The following CLASP2 variants were observed in gnomAD, a reference collection of about 807,000 sequenced individuals.
The protein encoded by CLASP2 is CLIP-associating protein 2.
Under a neutral mutation model 194.4 loss-of-function variants are expected in CLASP2, and 47 were observed. The observed-to-expected ratio is 0.24, with a 90% CI of 0.19 to 0.31. The LOEUF (loss-of-function observed/expected upper bound fraction) is 0.31. Ranked by LOEUF, CLASP2 falls within the 10% of genes least tolerant of loss-of-function variation. CLASP2 has a pLI of 1.00. For missense variants in CLASP2, 1,445 were observed against 1,823.6 expected, an observed-to-expected ratio of 0.79 and a Z score of 3.78; for synonymous variants, 619 against 633.5, an observed-to-expected ratio of 0.98 and a Z score of 0.34.
chr3:33,715,847 T>TAAAAA (rs59528446), intron 1 of CLASP2, among the ~76,000 whole-genome samples: 6 of 62,168 alleles, frequency 9.7e-5, no homozygotes, highest in African/African-American at 1.3e-4. Context: ...GTATCTTAAG[T>TAAAAA]AAAAAAAAAA....
intron 4 of CLASP2, among the ~76,000 whole-genome samples, chr3:33,687,681 T>C (rs542612210): frequency 2.0e-5 from 3 of 152,292 alleles, no homozygotes; most frequent in South Asian, 2.1e-4. Flanking sequence ...AGTAGCACTA[T>C]AGGAAAAGCT....
intron 1 of CLASP2, among the ~76,000 whole-genome samples, 174 bp from the exon 2 acceptor site, chr3:33,697,107 TCAA>T (rs1224552715): frequency 6.6e-6 from 1 of 152,132 alleles, no homozygotes; most frequent in Non-Finnish European, 1.5e-5. Context: ...CTCAAATGAT[TCAA>T]CAATAAAAAC....
At chr3:33,603,740 A>C (rs1250489393) in intron 17 of CLASP2, among the ~76,000 whole-genome samples, 4 of 152,124 alleles carry the variant, frequency 2.6e-5, no homozygotes, top group Non-Finnish European at 1.5e-5. Context: ...CTCCTCCCTC[A>C]GCCTCCTGAG....
chr3:33,618,207 C>T (rs914040307), intron 12 of CLASP2, among the ~76,000 whole-genome samples: 3 of 151,918 alleles, frequency 2.0e-5, no homozygotes, highest in African/African-American at 7.2e-5. Flanking sequence ...CTTGGCCTCC[C>T]AAAGTGCTGG....
At position 33,592,428 on chromosome 3, in the gene CLASP2, T is replaced by C; in HGVS notation, c.2035A>G (p.Arg679Gly). Residue 679 changes from arginine (R) to glycine (G), a missense_variant, in exon 21 of 39, where the codon AGA becomes GGA. Around this residue, in one of 4 missense-constraint regions of CLASP2, gnomAD observed 174 missense variants for 179.0 expected, o/e 0.97. Transcript: ENST00000682230. Reference protein sequence around the residue: ...MGNAKADSRGRSRTKMVSQSQ... With the variant: ...MGNAKADSRGGSRTKMVSQSQ... ...TGAGACACCATTTTTGTTCGACTTC[T>C]TCCTCTAGAATCTGCCTTGGCATTT... 1 of 1,613,764 alleles carries C rather than the reference T, an allele frequency of 6.2e-7. No homozygotes were observed. The highest frequency in any genetic ancestry group is 1.7e-5 in the Admixed American group (1 of 59,994).
chr3:33,641,770 T>C (rs2081347455), intron 8 of CLASP2, among the ~76,000 whole-genome samples: 1 of 144,022 alleles, frequency 6.9e-6, no homozygotes, highest in South Asian at 2.3e-4. Flanking sequence ...TTTTTTATTT[T>C]GGTAATCTTA....
chr3:33,706,205 G>A (rs745951226), intron 1 of CLASP2, among the ~76,000 whole-genome samples: 1 of 152,118 alleles, frequency 6.6e-6, no homozygotes, highest in Non-Finnish European at 1.5e-5. Context: ...TCATGATGGT[G>A]CCACCGCACT....
At chr3:33,576,566 C>A in intron 23 of CLASP2, 1 of 341,568 alleles carries the variant, frequency 2.9e-6, no homozygotes, top group South Asian at 3.5e-5. Context: ...GTCTATAGCC[C>A]TGTAATCCAG....
At chr3:33,632,782 GA>G (rs1193378545) in intron 8 of CLASP2, among the ~76,000 whole-genome samples, 2 of 152,308 alleles carry the variant, frequency 1.3e-5, no homozygotes, top group East Asian at 3.9e-4. Flanking sequence ...AAGCATGAAA[GA>G]AATGAGAGTC....
intron 28 of CLASP2, among the ~76,000 whole-genome samples, chr3:33,559,769 C>G (rs1450817972): frequency 6.6e-6 from 1 of 152,088 alleles, no homozygotes; most frequent in Non-Finnish European, 1.5e-5. Context: ...TGGCGCATGT[C>G]TGTAATCTCA....
At chr3:33,572,633 A>G (rs1482616173) in intron 25 of CLASP2, among the ~76,000 whole-genome samples, 1 of 152,222 alleles carries the variant, frequency 6.6e-6, no homozygotes, top group Non-Finnish European at 1.5e-5. Flanking sequence ...AATATTAACA[A>G]ATATCTGTTC....
chr3:33,585,731 C>T (rs2067209695), intron 21 of CLASP2, among the ~76,000 whole-genome samples: 1 of 151,884 alleles, frequency 6.6e-6, no homozygotes, highest in African/African-American at 2.4e-5. Context: ...ATCTCCTTCC[C>T]AGTATTATAA....
chr3:33,541,649 T>C (rs1437144798), intron 32 of CLASP2, among the ~76,000 whole-genome samples: 1 of 152,186 alleles, frequency 6.6e-6, no homozygotes, highest in Non-Finnish European at 1.5e-5. Flanking sequence ...CATCTATGTC[T>C]CTGCAAAGGA....
At chr3:33,669,451 G>C (rs1390065909) in intron 6 of CLASP2, among the ~76,000 whole-genome samples, 1 of 151,850 alleles carries the variant, frequency 6.6e-6, no homozygotes, top group East Asian at 1.9e-4. Flanking sequence ...ACATCAAAAG[G>C]TATCACCAAG....
At chr3:33,701,855 T>C (rs1279757839) in intron 1 of CLASP2, among the ~76,000 whole-genome samples, 8 of 151,952 alleles carry the variant, frequency 5.3e-5, no homozygotes, top group African/African-American at 1.9e-4. Flanking sequence ...CCTAAAACTA[T>C]AAAACTACTA....
chr3:33,547,869 G>C (rs925292226), intron 30 of CLASP2, among the ~76,000 whole-genome samples: 5 of 149,754 alleles, frequency 3.3e-5, no homozygotes, highest in African/African-American at 1.2e-4. Context: ...GTTCACTGCA[G>C]CATCGACCTC....
At chr3:33,619,502 A>G (rs1203427893) in intron 12 of CLASP2, 101 bp downstream of exon 12, 12 of 1,013,574 alleles carry the variant, frequency 1.2e-5, no homozygotes, top group Non-Finnish European at 1.6e-5. Flanking sequence ...ACTTACATTG[A>G]GAGAGAGGGG....
At chr3:33,606,547 T>A (rs1261693170) in intron 16 of CLASP2, 44 bp downstream of exon 16, 1 of 1,509,788 alleles carries the variant, frequency 6.6e-7, no homozygotes. Flanking sequence ...TTCAGGGAGT[T>A]GAGGAGAGGA....
rs746395377 is a variant in CLASP2 at position 33,689,935 on chromosome 3, A to G, written c.275-3T>C. 6.4e-7 allele frequency: 1 copy of G among 1,561,382 alleles called. No homozygotes were observed. Among genetic ancestry groups the G allele is most frequent in the Non-Finnish European group, 8.7e-7 (1 of 1,152,858 alleles). ...TCTGTCTATTAAAGCTACAATAACT[A>G]AAGAAGGGGAGGGAGTAAAAGAGTA... On this transcript the variant is annotated splice_polypyrimidine_tract_variant and splice_region_variant and intron_variant, in intron 2 of 38. Transcript: ENST00000682230.
Sources: allele counts gnomAD v4.1 joint callset (sites outside exome capture counted in the v4.1 genomes callset), GRCh38; gene constraint gnomAD v4.1.1; regional missense constraint gnomAD v4.1.1; transcripts MANE v1.5; gene names NCBI Gene and HGNC (gene_info 2026-07-23, HGNC 2026-07-21).